MACROD2: variants seen among roughly 807,000 people sequenced by gnomAD.
The protein encoded by MACROD2 is mono-ADP ribosylhydrolase 2.
In MACROD2, 36 loss-of-function variants were observed where a neutral mutation model predicts 70.4. The ratio of observed to expected loss-of-function variants is 0.51; its 90% CI spans 0.39 to 0.68. The LOEUF is 0.68. Ranked by LOEUF, MACROD2 falls within the 30% of genes least tolerant of loss-of-function variation. The pLI is 0.00. For missense variants in MACROD2, 496 were observed against 538.4 expected, an observed-to-expected ratio of 0.92 and a Z score of 0.78; for synonymous variants, 172 against 178.8, an observed-to-expected ratio of 0.96 and a Z score of 0.30.
intron 3 of MACROD2, among the ~76,000 whole-genome samples, chr20:14,150,777 A>G (rs541367623): frequency 6.6e-5 from 10 of 152,344 alleles, no homozygotes; most frequent in Middle Eastern, 6.8e-3. Flanking sequence ...AAAAAAGAAG[A>G]ATGGGAAAGA....
intron 8 of MACROD2, among the ~76,000 whole-genome samples, chr20:15,755,730 A>G (rs1204819628): frequency 6.6e-6 from 1 of 152,202 alleles, no homozygotes; most frequent in African/African-American, 2.4e-5. Context: ...GCCTGAAAAC[A>G]TGTGCACTCA....
At chr20:14,827,007 TAAC>T (rs2072909674) in intron 5 of MACROD2, among the ~76,000 whole-genome samples, 1 of 152,066 alleles carries the variant, frequency 6.6e-6, no homozygotes, top group Non-Finnish European at 1.5e-5. Flanking sequence ...AGCTCGGACT[TAAC>T]AAAAATCAAT....
chr20:15,370,476 C>T (rs958829527), intron 6 of MACROD2, among the ~76,000 whole-genome samples: 1 of 152,010 alleles, frequency 6.6e-6, no homozygotes, highest in African/African-American at 2.4e-5. Flanking sequence ...CCTTCTGAAG[C>T]TTACTGCCCA....
At chr20:14,034,700 A>G (rs1045239749) in intron 2 of MACROD2, among the ~76,000 whole-genome samples, 1 of 152,244 alleles carries the variant, frequency 6.6e-6, no homozygotes, top group Non-Finnish European at 1.5e-5. Flanking sequence ...TATTATAACA[A>G]ATAACATTTA....
chr20:14,297,524 A>G (rs2082437558), intron 3 of MACROD2, among the ~76,000 whole-genome samples: 1 of 152,032 alleles, frequency 6.6e-6, no homozygotes. Flanking sequence ...GAAGACCACT[A>G]GCCACAACAT....
chr20:14,675,951 A>G (rs1187938680), intron 4 of MACROD2, among the ~76,000 whole-genome samples: 7 of 152,150 alleles, frequency 4.6e-5, no homozygotes, highest in Non-Finnish European at 8.8e-5. Flanking sequence ...AAAAAAGACA[A>G]AGGCATTACA....
At chr20:14,918,731 TA>T (rs2074126003) in intron 5 of MACROD2, among the ~76,000 whole-genome samples, 2 of 151,362 alleles carry the variant, frequency 1.3e-5, no homozygotes, top group South Asian at 4.2e-4. Flanking sequence ...ATTCAAGTCC[TA>T]ACATTTATTT....
chr20:14,100,387 C>T (rs2054282366), intron 3 of MACROD2, among the ~76,000 whole-genome samples: 1 of 150,314 alleles, frequency 6.7e-6, no homozygotes, highest in South Asian at 2.1e-4. Context: ...CGTAGATATG[C>T]CTTATTAATA....
In MACROD2 at chr20:15,674,498, G is replaced by C. The variant is rs6034254; in HGVS notation, c.645+174651G>C. 8.8e-3 allele frequency among the ~76,000 whole-genome samples: 1,338 copies of C among 152,088 alleles called. 13 individuals carry two copies. Among genetic ancestry groups the C allele is most frequent in the African/African-American group, 0.03 (1,263 of 41,472 alleles). On this transcript the variant is annotated intron_variant, in intron 8 of 17. Transcript: ENST00000684519. Reference sequence around the variant, plus strand: ...ATTACATTTAGAAGCCCCTTACTAAGCCATTCTTCTCCTTGACCTCCCTGA... The same window carrying C: ...ATTACATTTAGAAGCCCCTTACTAACCCATTCTTCTCCTTGACCTCCCTGA...
intron 8 of MACROD2, among the ~76,000 whole-genome samples, chr20:15,618,581 A>G (rs1368639170): frequency 2.4e-5 from 3 of 127,344 alleles, no homozygotes; most frequent in African/African-American, 9.1e-5. Context: ...AGTTATTTGG[A>G]AAAAAGGTAA....
chr20:15,000,629 CAAAAAAAA>C (rs398040701), intron 5 of MACROD2, among the ~76,000 whole-genome samples: 243 of 21,952 alleles, frequency 0.011, 1 homozygote, highest in African/African-American at 0.053. Flanking sequence ...GACTCCGTCT[CAAAAAAAA>C]AAAAAAAAAA....
chr20:14,836,112 A>C (rs1401341289), intron 5 of MACROD2, among the ~76,000 whole-genome samples: 1 of 152,052 alleles, frequency 6.6e-6, no homozygotes, highest in Non-Finnish European at 1.5e-5. Flanking sequence ...AAAAACCACA[A>C]CACCATAAAA....
chr20:14,969,536 G>T (rs536840367), intron 5 of MACROD2, among the ~76,000 whole-genome samples: 2 of 152,040 alleles, frequency 1.3e-5, no homozygotes, highest in African/African-American at 4.8e-5. Flanking sequence ...ATATTTTCAT[G>T]AAATCTAGTA....
At chr20:14,815,705 A>G (rs2072766073) in intron 5 of MACROD2, among the ~76,000 whole-genome samples, 1 of 152,112 alleles carries the variant, frequency 6.6e-6, no homozygotes, top group South Asian at 2.1e-4. Context: ...AAATGTTATT[A>G]TGTTATATAT....
intron 2 of MACROD2, among the ~76,000 whole-genome samples, chr20:14,057,925 ATACT>A (rs779860774): frequency 2.2e-4 from 34 of 152,330 alleles, no homozygotes; most frequent in Admixed American, 1.2e-3. Flanking sequence ...CTAGACACAA[ATACT>A]TACCGTGTAT....
At chr20:15,680,645 C>T (rs1428126122) in intron 8 of MACROD2, among the ~76,000 whole-genome samples, 1 of 152,158 alleles carries the variant, frequency 6.6e-6, no homozygotes, top group African/African-American at 2.4e-5. Context: ...AAGCCTGCTG[C>T]AGGCCTCCAG....
chr20:15,200,681 C>T (rs2076648326), intron 5 of MACROD2, among the ~76,000 whole-genome samples: 1 of 152,190 alleles, frequency 6.6e-6, no homozygotes, highest in African/African-American at 2.4e-5. Context: ...ATTTGTAGTT[C>T]AGAGACTAAA....
chr20:14,630,956 ATT>A (rs1185917624), intron 4 of MACROD2, among the ~76,000 whole-genome samples: 1 of 152,148 alleles, frequency 6.6e-6, no homozygotes, highest in Non-Finnish European at 1.5e-5. Flanking sequence ...TTACAGAATT[ATT>A]TTTGTGTGTC....
intron 15 of MACROD2, among the ~76,000 whole-genome samples, chr20:15,998,940 T>G (rs934038019): frequency 6.6e-6 from 1 of 152,120 alleles, no homozygotes; most frequent in Admixed American, 6.5e-5. Context: ...TTTTTGTTCA[T>G]CCTTTTTATT....
Sources: allele counts gnomAD v4.1 joint callset (sites outside exome capture counted in the v4.1 genomes callset), GRCh38; gene constraint gnomAD v4.1.1; transcripts MANE v1.5; gene names NCBI Gene and HGNC (gene_info 2026-07-23, HGNC 2026-07-21).